The following UHRF2 variants were observed in gnomAD, a reference collection of about 807,000 sequenced individuals.
UHRF2 encodes E3 ubiquitin-protein ligase UHRF2.
In UHRF2, 23 loss-of-function variants were observed where a neutral mutation model predicts 96.8. The ratio of observed to expected loss-of-function variants is 0.24; its 90% CI spans 0.17 to 0.34. UHRF2 has a LOEUF of 0.34. Ranked by LOEUF, UHRF2 falls within the 10% of genes least tolerant of loss-of-function variation. The pLI is 1.00. For missense variants in UHRF2, 685 were observed against 981.5 expected, an observed-to-expected ratio of 0.70 and a Z score of 4.04; for synonymous variants, 385 against 332.6, an observed-to-expected ratio of 1.16 and a Z score of -1.72.
At chr9:6,481,541 A>G in intron 6 of UHRF2, 102 bp from the exon 7 acceptor site, 1 of 1,362,574 alleles carries the variant, frequency 7.3e-7, no homozygotes. Context: ...TATACCAAAT[A>G]ATACATCTTA....
At chr9:6,461,721 T>C (rs1822555250) in intron 4 of UHRF2, among the ~76,000 whole-genome samples, 1 of 152,214 alleles carries the variant, frequency 6.6e-6, no homozygotes, top group Admixed American at 6.5e-5. Flanking sequence ...CCCAAAGTGA[T>C]AAAGTACTAG....
chr9:6,452,646 A>C (rs1176468787), intron 3 of UHRF2, among the ~76,000 whole-genome samples: 1 of 152,224 alleles, frequency 6.6e-6, no homozygotes, highest in East Asian at 1.9e-4. Flanking sequence ...AAATGGGACT[A>C]AGTAACTGGA....
chr9:6,475,805 A>G (rs73399080), intron 5 of UHRF2, among the ~76,000 whole-genome samples: 26,107 of 152,132 alleles, frequency 0.17, 2,371 homozygotes, highest in East Asian at 0.26. Context: ...TGATACAGGC[A>G]TACAGTGTGT....
intron 9 of UHRF2, among the ~76,000 whole-genome samples, chr9:6,489,060 T>C (rs1587869117): frequency 1.3e-5 from 2 of 152,102 alleles, no homozygotes. Context: ...CCCGCCTACC[T>C]CAGCCTCCCA....
intron 2 of UHRF2, among the ~76,000 whole-genome samples, chr9:6,432,820 T>A (rs1462633327): frequency 6.6e-6 from 1 of 151,880 alleles, no homozygotes; most frequent in Non-Finnish European, 1.5e-5. Flanking sequence ...TTGGTTGTTG[T>A]CCTAAAAGGG....
chr9:6,446,436 C>G (rs1821509340), intron 3 of UHRF2, among the ~76,000 whole-genome samples: 1 of 145,242 alleles, frequency 6.9e-6, no homozygotes, highest in South Asian at 2.2e-4. Flanking sequence ...AGCCACCATG[C>G]CTGGCCTAAT....
chr9:6,442,244 G>A (rs1821211673), intron 3 of UHRF2, among the ~76,000 whole-genome samples: 1 of 152,212 alleles, frequency 6.6e-6, no homozygotes, highest in East Asian at 1.9e-4. Flanking sequence ...GATTACAGGT[G>A]TGAGCCACCA....
intron 4 of UHRF2, among the ~76,000 whole-genome samples, chr9:6,466,809 A>G (rs971799595): frequency 1.3e-5 from 2 of 152,146 alleles, no homozygotes; most frequent in African/African-American, 4.8e-5. Context: ...GGGCCTTTGT[A>G]CTTGATGTTC....
intron 3 of UHRF2, among the ~76,000 whole-genome samples, chr9:6,458,581 G>A (rs1004749826): frequency 2.6e-4 from 40 of 151,900 alleles, no homozygotes; most frequent in African/African-American, 8.9e-4. Flanking sequence ...TTTTAATGGT[G>A]GAGAGGATGT....
At chr9:6,498,248 G>A (rs1010931450) in intron 12 of UHRF2, 90 bp downstream of exon 12, 12 of 1,360,390 alleles carry the variant, frequency 8.8e-6, no homozygotes, top group Non-Finnish European at 1.2e-5. Flanking sequence ...ATAACCCACA[G>A]CAATTGACTG....
chr9:6,496,947 T>C, intron 10 of UHRF2: 1 of 377,748 alleles, frequency 2.6e-6, no homozygotes, highest in Non-Finnish European at 4.8e-6. Flanking sequence ...GGCACAGATG[T>C]TATTACTTTC....
chr9:6,419,733 GATTT>G (rs893506189), intron 1 of UHRF2, among the ~76,000 whole-genome samples: 2 of 151,796 alleles, frequency 1.3e-5, no homozygotes, highest in Non-Finnish European at 2.9e-5. Flanking sequence ...AACATTTTGG[GATTT>G]ATTTATTTAT....
chr9:6,499,794 C>A, intron 12 of UHRF2, 41 bp from the exon 13 acceptor site: 1 of 1,411,680 alleles, frequency 7.1e-7, no homozygotes, highest in Non-Finnish European at 9.7e-7. Flanking sequence ...CTCTGTGAAG[C>A]TTAAATCTGC....
intron 2 of UHRF2, among the ~76,000 whole-genome samples, chr9:6,425,617 G>A (rs1304505290): frequency 1.3e-5 from 2 of 151,970 alleles, no homozygotes; most frequent in East Asian, 3.9e-4. Flanking sequence ...AAAAAAATTA[G>A]CTGGGCGTTG....
chr9:6,502,094 A>G (rs1304221980), intron 14 of UHRF2, among the ~76,000 whole-genome samples: 4 of 152,204 alleles, frequency 2.6e-5, no homozygotes, highest in Non-Finnish European at 5.9e-5. Context: ...CCAGGAACAC[A>G]TTTATTAAGC....
intron 1 of UHRF2, among the ~76,000 whole-genome samples, chr9:6,418,006 AGTTAATTTGCAT>A (rs2130710518): frequency 6.6e-6 from 1 of 152,266 alleles, no homozygotes; most frequent in South Asian, 2.1e-4. Flanking sequence ...ATATGCTACT[AGTTAATTTGCAT>A]GTTTTATACT....
At chr9:6,497,456 A>G (rs1025154158) in intron 11 of UHRF2, 96 bp downstream of exon 11, 10 of 1,363,024 alleles carry the variant, frequency 7.3e-6, no homozygotes, top group African/African-American at 1.4e-5. Context: ...TCGAGGAAAC[A>G]GTAGCCATCT....
intron 2 of UHRF2, among the ~76,000 whole-genome samples, chr9:6,428,711 A>C (rs534044316): frequency 6.6e-6 from 1 of 151,708 alleles, no homozygotes; most frequent in African/African-American, 2.4e-5. Context: ...CACCATACCC[A>C]GCTAATTTTC....
chr9:6,442,463 TTTTGTTTTGTTTTG>T (rs751634299), intron 3 of UHRF2, among the ~76,000 whole-genome samples: 388 of 13,352 alleles, frequency 0.029, 1 homozygote, highest in African/African-American at 0.074. Flanking sequence ...TTTTGTTTTG[TTTTGTTTTGTTTTG>T]TTTGTTTTGT....
Sources: allele counts gnomAD v4.1 joint callset (sites outside exome capture counted in the v4.1 genomes callset), GRCh38; gene constraint gnomAD v4.1.1; transcripts MANE v1.5; gene names NCBI Gene and HGNC (gene_info 2026-07-23, HGNC 2026-07-21).